The following PTPRA variants were observed in gnomAD, a reference collection of about 807,000 sequenced individuals.
PTPRA encodes receptor-type tyrosine-protein phosphatase alpha.
In PTPRA, 25 loss-of-function variants were observed where a neutral mutation model predicts 104.8. The observed-to-expected ratio is 0.24, with a 90% CI of 0.17 to 0.33. The LOEUF (loss-of-function observed/expected upper bound fraction) is 0.33, where lower values mean the gene tolerates loss of function less well. Ranked by LOEUF, PTPRA falls within the 10% of genes least tolerant of loss-of-function variation. The probability of loss-of-function intolerance (pLI) is 1.00; values close to 1 mark genes in which losing one functional copy is unlikely to be tolerated. For missense variants in PTPRA, 765 were observed against 1,015.3 expected, an observed-to-expected ratio of 0.75 and a Z score of 3.35; for synonymous variants, 323 against 368.9, an observed-to-expected ratio of 0.88 and a Z score of 1.43.
chr20:2,866,524 G>A, the PTPRA span: 2 of 1,614,188 alleles, frequency 1.2e-6, no homozygotes, highest in South Asian at 1.1e-5. Flanking sequence ...CACAGATGGG[G>A]CCACAGCTGA....
chr20:2,969,172 C>CTA (rs1029015558), intron 5 of PTPRA, among the ~76,000 whole-genome samples: 11 of 150,964 alleles, frequency 7.3e-5, no homozygotes, highest in Non-Finnish European at 1.2e-4. Context: ...AGTCCCTGCA[C>CTA]TATAGCCTGG....
At chr20:2,896,414 A>C (rs2059002759) in intron 1 of PTPRA, among the ~76,000 whole-genome samples, 1 of 152,082 alleles carries the variant, frequency 6.6e-6, no homozygotes, top group African/African-American at 2.4e-5. Context: ...AAACACACAC[A>C]CGCAAAGAAT....
intron 5 of PTPRA, among the ~76,000 whole-genome samples, chr20:2,965,658 G>C (rs2061918817): frequency 6.6e-6 from 1 of 152,166 alleles, no homozygotes; most frequent in Non-Finnish European, 1.5e-5. Flanking sequence ...GTTTGGAAAG[G>C]GAGGGATCCA....
chr20:2,963,489 G>A (rs893935698), intron 3 of PTPRA, among the ~76,000 whole-genome samples: 2 of 152,010 alleles, frequency 1.3e-5, no homozygotes, highest in African/African-American at 4.8e-5. Flanking sequence ...AGCTACTCGG[G>A]AGGCTGAGGC....
chr20:3,036,700 A>T (rs1260071530), intron 22 of PTPRA, among the ~76,000 whole-genome samples: 1 of 152,188 alleles, frequency 6.6e-6, no homozygotes, highest in African/African-American at 2.4e-5. Flanking sequence ...GAATAGGGGG[A>T]TATTGTCAAG....
At chr20:2,878,203 GTT>G (rs34922203) in intron 1 of PTPRA, among the ~76,000 whole-genome samples, 1 of 151,838 alleles carries the variant, frequency 6.6e-6, no homozygotes, top group African/African-American at 2.4e-5. Flanking sequence ...GACAGCTGTA[GTT>G]TTTTTTAAAT....
chr20:2,988,235 A>T, intron 8 of PTPRA, 103 bp from the exon 9 acceptor site: 10 of 1,530,498 alleles, frequency 6.5e-6, no homozygotes, highest in Non-Finnish European at 8.9e-6. Flanking sequence ...AAACAGTCCT[A>T]GTTCTTACAG....
intron 6 of PTPRA, among the ~76,000 whole-genome samples, chr20:2,979,358 C>A (rs1310138998): frequency 1.3e-5 from 2 of 152,180 alleles, no homozygotes; most frequent in Admixed American, 1.3e-4. Context: ...TTTGGACTCT[C>A]CTGTTGCACA....
At chr20:3,012,673 A>G (rs191981497) in intron 11 of PTPRA, among the ~76,000 whole-genome samples, 12 of 152,374 alleles carry the variant, frequency 7.9e-5, no homozygotes, top group Non-Finnish European at 1.3e-4. Flanking sequence ...TCAGTGGGAA[A>G]GAGGAACAGA....
At chr20:2,985,050 C>G (rs2062844173) in intron 6 of PTPRA, among the ~76,000 whole-genome samples, 1 of 152,214 alleles carries the variant, frequency 6.6e-6, no homozygotes, top group Non-Finnish European at 1.5e-5. Context: ...AGCTTTCTAT[C>G]ACTTGTCTCC....
At chr20:2,890,572 A>G (rs2058755532) in intron 1 of PTPRA, among the ~76,000 whole-genome samples, 1 of 152,210 alleles carries the variant, frequency 6.6e-6, no homozygotes, top group African/African-American at 2.4e-5. Context: ...TTTGGGGCAC[A>G]GTGTAGCATT....
At position 3,005,057 on chromosome 20, in the gene PTPRA, C is replaced by T; in HGVS notation, c.740C>T (p.Ala247Val). 6.3e-7 allele frequency: 1 copy of T among 1,599,968 alleles called. No individual in the cohort carries two copies. ...CTCTAATTTCTCTTAACCTTTCAGG[C>T]TCTCCCTGCATGTCCTATCCAGGCC... ...DNKLFREEFN[A>V]LPACPIQATC... Residue 247 changes from alanine (A) to valine (V), a missense_variant and splice_region_variant, in exon 10 of 24, where the codon GCT (alanine) becomes GTT (valine). By Grantham distance (64) the Ala-to-Val change is moderately conservative (BLOSUM62 0). Around this residue, in one of 4 missense-constraint regions of PTPRA, gnomAD observed 245 missense variants for 398.7 expected, o/e 0.61. Coordinates refer to ENST00000399903, the MANE Select transcript of PTPRA (RefSeq NM_001385305.1).
At chr20:3,029,878 G>T (rs536064994) in intron 20 of PTPRA, among the ~76,000 whole-genome samples, 1 of 152,222 alleles carries the variant, frequency 6.6e-6, no homozygotes, top group South Asian at 2.1e-4. Flanking sequence ...TTCGGTTAAG[G>T]TGCTTGGCTT....
Position 3,027,824 on chromosome 20 carries a change from C to T in PTPRA, c.1903C>T (p.Leu635=), listed in dbSNP as rs1376819149. 6.2e-7 allele frequency: 1 copy of T among 1,614,062 alleles called. No homozygotes were observed. The change falls in exon 20 of 24, where the codon CTG becomes TTG. Residue 635 remains leucine (L), a synonymous_variant. Coordinates refer to ENST00000399903, the MANE Select transcript of PTPRA (RefSeq NM_001385305.1). The part of the protein sequence containing the change: ...KSCSIVMLTE[L]EERGQEKCAQ... ...CTGCTCTATCGTGATGCTAACAGAACTGGAGGAGAGAGGCCAGGTGAGTTC... is the reference window on the plus strand; with the variant it reads ...CTGCTCTATCGTGATGCTAACAGAATTGGAGGAGAGAGGCCAGGTGAGTTC...
intron 1 of PTPRA, among the ~76,000 whole-genome samples, chr20:2,909,956 A>T (rs1307665487): frequency 1.5e-4 from 18 of 120,336 alleles, no homozygotes; most frequent in Admixed American, 9.6e-4. Context: ...TATATATTAT[A>T]ATATATGATA....
chr20:3,015,384 T>G (rs550174661), intron 11 of PTPRA, among the ~76,000 whole-genome samples: 5 of 150,906 alleles, frequency 3.3e-5, no homozygotes, highest in South Asian at 4.2e-4. Context: ...CTTGGCTCAG[T>G]GCAACCTCCA....
At chr20:2,997,829 A>G (rs955726203) in intron 9 of PTPRA, among the ~76,000 whole-genome samples, 4 of 152,240 alleles carry the variant, frequency 2.6e-5, no homozygotes, top group African/African-American at 9.6e-5. Flanking sequence ...AAACAAAAAG[A>G]TAAAATTGTG....
chr20:2,923,305 A>G lies in PTPRA; in HGVS notation c.-50+20A>G. The G allele has an allele frequency of 7.8e-7, 1 of 1,282,728 alleles. No homozygotes were observed. Among genetic ancestry groups the G allele is most frequent in the Non-Finnish European group, 1.0e-6 (1 of 984,302 alleles). The allele number at this position is 1,282,728 out of a possible 1,614,324, so 79.5% of individuals were successfully genotyped here. On this transcript the variant is annotated intron_variant, in intron 2 of 23. Transcript: ENST00000399903. ...ACTAAGGTAAGAGAAATAAAACCAG[A>G]ACTGTGAGGAGGCTTTTGCCAGCCA...
chr20:3,031,891 T>C (rs530697795), intron 20 of PTPRA, among the ~76,000 whole-genome samples: 1 of 152,202 alleles, frequency 6.6e-6, no homozygotes, highest in African/African-American at 2.4e-5. Context: ...GCAAACTCTC[T>C]AGTAAAACCC....
Sources: allele counts gnomAD v4.1 joint callset (sites outside exome capture counted in the v4.1 genomes callset), GRCh38; gene constraint gnomAD v4.1.1; regional missense constraint gnomAD v4.1.1; transcripts MANE v1.5; gene names NCBI Gene and HGNC (gene_info 2026-07-23, HGNC 2026-07-21).